The following PIP4K2A variants were observed in gnomAD, a reference collection of about 807,000 sequenced individuals.
PIP4K2A encodes the protein phosphatidylinositol-5-phosphate 4-kinase type 2 alpha.
In PIP4K2A, 14 loss-of-function variants were observed where a neutral mutation model predicts 42.9. The ratio of observed to expected loss-of-function variants is 0.33; its 90% CI spans 0.22 to 0.51. The LOEUF (loss-of-function observed/expected upper bound fraction) is 0.51, where lower values mean the gene tolerates loss of function less well. Ranked by LOEUF, PIP4K2A falls within the 20% of genes least tolerant of loss-of-function variation. PIP4K2A has a pLI of 0.97. For missense variants in PIP4K2A, 434 were observed against 519.8 expected (o/e 0.83, Z 1.61); for synonymous variants, 192 against 192.2 (o/e 1.00, Z 0.01).
intron 6 of PIP4K2A, among the ~76,000 whole-genome samples, chr10:22,566,134 TCA>T (rs755638799): frequency 5.9e-5 from 9 of 152,322 alleles, no homozygotes; most frequent in Non-Finnish European, 1.0e-4. Context: ...TCACACCTAT[TCA>T]CACACTCCCT....
intron 4 of PIP4K2A, among the ~76,000 whole-genome samples, chr10:22,579,262 C>T (rs1837200410): frequency 1.3e-5 from 2 of 152,172 alleles, no homozygotes; most frequent in Admixed American, 1.3e-4. Flanking sequence ...GCAATGTATC[C>T]TCATTCTCCA....
intron 1 of PIP4K2A, among the ~76,000 whole-genome samples, chr10:22,700,945 A>C (rs566118494): frequency 2.6e-5 from 4 of 152,366 alleles, no homozygotes; most frequent in African/African-American, 9.6e-5. Flanking sequence ...TAAAATCAGA[A>C]GGAGAGAAGT....
At chr10:22,674,860 G>A (rs1839525323) in intron 1 of PIP4K2A, among the ~76,000 whole-genome samples, 2 of 152,110 alleles carry the variant, frequency 1.3e-5, no homozygotes, top group South Asian at 4.1e-4. Flanking sequence ...CTACTCAGCA[G>A]GCTGAGGCAG....
chr10:22,582,234 A>G (rs542127331), intron 4 of PIP4K2A, among the ~76,000 whole-genome samples: 6 of 152,262 alleles, frequency 3.9e-5, no homozygotes, highest in Admixed American at 3.9e-4. Context: ...GCAATGATAA[A>G]TTAGAGTCAT....
intron 1 of PIP4K2A, among the ~76,000 whole-genome samples, chr10:22,705,098 G>A (rs1458870056): frequency 6.6e-6 from 1 of 151,918 alleles, no homozygotes; most frequent in East Asian, 1.9e-4. Context: ...AGGACGGGGT[G>A]GGGGAAGTGG....
At chr10:22,628,586 G>C (rs1278158978) in intron 1 of PIP4K2A, among the ~76,000 whole-genome samples, 2 of 152,182 alleles carry the variant, frequency 1.3e-5, no homozygotes, top group East Asian at 3.9e-4. Context: ...GCAGAGCCTA[G>C]TTTCACACAT....
intron 1 of PIP4K2A, among the ~76,000 whole-genome samples, chr10:22,656,677 A>G (rs1279941418): frequency 1.3e-5 from 2 of 151,972 alleles, no homozygotes; most frequent in African/African-American, 4.8e-5. Context: ...GGTACCTGTA[A>G]TCCCAGCTAT....
intron 1 of PIP4K2A, among the ~76,000 whole-genome samples, chr10:22,681,997 A>AC (rs1209583622): frequency 6.8e-6 from 1 of 146,482 alleles, no homozygotes. Flanking sequence ...TTAGAAAACC[A>AC]TTTTTTTTTT....
intron 4 of PIP4K2A, among the ~76,000 whole-genome samples, chr10:22,578,127 T>G (rs1325246489): frequency 6.6e-6 from 1 of 152,238 alleles, no homozygotes; most frequent in Non-Finnish European, 1.5e-5. Context: ...TTGTTCAATC[T>G]AAGTGATGGG....
intron 1 of PIP4K2A, among the ~76,000 whole-genome samples, chr10:22,697,666 T>TA: frequency 6.6e-6 from 1 of 152,128 alleles, no homozygotes; most frequent in East Asian, 1.9e-4. Context: ...TTCGAGGCTG[T>TA]AGTGAGCTAT....
At chr10:22,553,468 C>A (rs572838163) in intron 6 of PIP4K2A, among the ~76,000 whole-genome samples, 239 of 152,338 alleles carry the variant, frequency 1.6e-3, no homozygotes, top group Non-Finnish European at 2.5e-3. Flanking sequence ...CTGCTTAGCA[C>A]TTTGTGTGCG....
At chr10:22,696,634 A>C (rs1839978701) in intron 1 of PIP4K2A, among the ~76,000 whole-genome samples, 1 of 152,168 alleles carries the variant, frequency 6.6e-6, no homozygotes, top group South Asian at 2.1e-4. Flanking sequence ...CATAATTTTT[A>C]AAGTTCTTAT....
chr10:22,560,147 A>C (rs146308147), intron 6 of PIP4K2A, among the ~76,000 whole-genome samples: 147 of 152,306 alleles, frequency 9.7e-4, no homozygotes, highest in African/African-American at 3.3e-3. Context: ...ATTCCCTTCT[A>C]TCTCGGAAGA....
At chr10:22,580,860 G>A (rs1218733677) in intron 4 of PIP4K2A, among the ~76,000 whole-genome samples, 2 of 152,154 alleles carry the variant, frequency 1.3e-5, no homozygotes, top group Admixed American at 6.5e-5. Context: ...CCCTTTCTGC[G>A]ATGGTAATGT....
At chr10:22,615,496 A>T (rs1179947617) in intron 1 of PIP4K2A, among the ~76,000 whole-genome samples, 7 of 152,230 alleles carry the variant, frequency 4.6e-5, no homozygotes, top group South Asian at 2.1e-4. Context: ...TTCATAAAGG[A>T]AACAGAAAGA....
chr10:22,541,914 G>A lies in PIP4K2A; in HGVS notation c.926C>T (p.Pro309Leu), dbSNP rs746609921. Residue 309 changes from proline to leucine, a missense_variant, in exon 8 of 10, where the codon CCG becomes CTG. Around this residue, in one of 2 missense-constraint regions of PIP4K2A, gnomAD observed 395 missense variants for 444.5 expected, o/e 0.89. Coordinates refer to ENST00000376573, the MANE Select transcript of PIP4K2A (RefSeq NM_005028.5). ...EEEGESDGTHPVGTPPDSPGN... is the reference protein window; with the variant it reads ...EEEGESDGTHLVGTPPDSPGN... ...GGGGCTATCTGGGGGGGTTCCCACC[G>A]GGTGGGTGCCATCGCTCTCGCCCTC... 34 of 1,613,898 alleles carry A rather than the reference G, an allele frequency of 2.1e-5. No individual in the cohort carries two copies. The highest frequency in any genetic ancestry group is 4.4e-5 in the South Asian group (4 of 91,072).
intron 1 of PIP4K2A, among the ~76,000 whole-genome samples, chr10:22,618,912 T>C (rs1343201640): frequency 1.3e-5 from 2 of 152,196 alleles, no homozygotes; most frequent in Admixed American, 6.5e-5. Flanking sequence ...TTGATGTGTA[T>C]TGGTAGCAAC....
chr10:22,543,008 C>T (rs1456247995), intron 7 of PIP4K2A, among the ~76,000 whole-genome samples: 1 of 152,216 alleles, frequency 6.6e-6, no homozygotes, highest in Non-Finnish European at 1.5e-5. Context: ...TGCAGAGTGG[C>T]TGAGCAGCCT....
intron 1 of PIP4K2A, among the ~76,000 whole-genome samples, chr10:22,613,954 G>A (rs978370345): frequency 1.3e-5 from 2 of 152,200 alleles, no homozygotes; most frequent in African/African-American, 2.4e-5. Flanking sequence ...AGTCGATGGT[G>A]CAAGACCTTC....
Sources: gnomAD v4.1 joint callset for allele counts (sites outside exome capture counted in the v4.1 genomes callset) on GRCh38, gnomAD v4.1.1 for gene constraint, gnomAD v4.1.1 regional missense constraint, MANE v1.5 for transcripts, NCBI Gene and HGNC (gene_info 2026-07-23, HGNC 2026-07-21) for gene names.